Variants in LIPH observed in about 807,000 individuals in gnomAD.
The protein encoded by LIPH is lipase member H.
Under a neutral mutation model 47.6 loss-of-function variants are expected in LIPH, and 32 were observed. That is an observed-to-expected ratio of 0.67 (90% CI 0.51 to 0.90). The LOEUF (loss-of-function observed/expected upper bound fraction) is 0.90, where lower values mean the gene tolerates loss of function less well. LIPH is among the 40% of genes least tolerant of loss of function. The probability of loss-of-function intolerance (pLI) is 0.00; values close to 1 mark genes in which losing one functional copy is unlikely to be tolerated. For synonymous variants in LIPH, 190 were observed against 195.6 expected (o/e 0.97, Z 0.24); for missense variants, 497 against 541.4 (o/e 0.92, Z 0.81).
At position 185,536,709 on chromosome 3, in the gene LIPH, A is replaced by C. The variant is rs550742199; in HGVS notation, c.50-1577T>G. Among the ~76,000 whole-genome samples, 63 of 152,300 alleles carry C rather than the reference A, an allele frequency of 4.1e-4. No individual in the cohort carries two copies. The South Asian group carries it at 0.013, about 32-fold the overall frequency. On this transcript the variant is annotated intron_variant, in intron 1 of 9. Coordinates refer to ENST00000296252, the MANE Select transcript of LIPH (RefSeq NM_139248.3). The stretch of plus-strand genomic sequence containing the variant: ...GTAAATAAATAAATAAATAAAAATT[A>C]AATGAACTTAAAGGAAATTTACACG...
chr3:185,545,911 T>C (rs1720855934), intron 1 of LIPH, among the ~76,000 whole-genome samples: 2 of 151,896 alleles, frequency 1.3e-5, no homozygotes, highest in Non-Finnish European at 2.9e-5. Flanking sequence ...ATCCCAGCAC[T>C]TTGGGAGGCT....
intron 3 of LIPH, among the ~76,000 whole-genome samples, chr3:185,529,048 G>T (rs746519741): frequency 2.0e-5 from 3 of 149,256 alleles, no homozygotes; most frequent in Non-Finnish European, 4.5e-5. Context: ...GTGGTGGCAC[G>T]TGCCTGTAGT....
Position 185,517,129 on chromosome 3 carries a change from C to T in LIPH, c.920G>A (p.Arg307Lys), listed in dbSNP as rs147810274. ...YYADNWKDHL[R>K]GKDPPMTKAF... ...CTTCGTCATTGGAGGATCTTTCCCC[C>T]TTAGATGGTCTTTCCAATTATCAGC... The change falls in exon 7 of 10, where the codon AGG (arginine) becomes AAG (lysine). Residue 307 changes from arginine to lysine, a missense_variant. Coordinates refer to ENST00000296252, the MANE Select transcript of LIPH (RefSeq NM_139248.3). The T allele has an allele frequency of 3.5e-5, 56 of 1,610,710 alleles. No individual in the cohort carries two copies. The African/African-American group carries it at 7.2e-4, about 21-fold the overall frequency.
At position 185,508,637 on chromosome 3, in the gene LIPH, G is replaced by T; in HGVS notation, c.*153C>A. On this transcript the variant is annotated 3_prime_UTR_variant, in exon 10 of 10. Coordinates refer to ENST00000296252, the MANE Select transcript of LIPH (RefSeq NM_139248.3). ...TCGTTTTATAATCACAAGGTTGTTT[G>T]ATGTACAATGTGACATCCATAGGAC... The T allele has an allele frequency of 1.5e-6, 1 of 673,836 alleles. No individual in the cohort carries two copies. 41.7% of individuals were successfully genotyped at this position (673,836 alleles called of 1,614,324 possible).
Position 185,546,001 on chromosome 3 carries a change from C to CAA in LIPH, c.49+6420_49+6421dup, listed in dbSNP as rs529961219. On this transcript the variant is annotated intron_variant, in intron 1 of 9. Transcript: ENST00000296252. Reference sequence around the variant, plus strand: ...TGAAACCCCATCTCTACTAAAAATACAAAAAAAAAAAAAAATTAGCTGGGT... The same window carrying CAA: ...TGAAACCCCATCTCTACTAAAAATACAAAAAAAAAAAAAAAAATTAGCTGGGT... Among the ~76,000 whole-genome samples, 104 of 130,458 alleles carry CAA rather than the reference C, an allele frequency of 8.0e-4. 1 individual carries two copies. The East Asian group carries it at 0.019, about 23-fold the overall frequency. 85.6% of individuals were successfully genotyped at this position (130,458 alleles called of 152,430 possible).
intron 1 of LIPH, 103 bp from the exon 2 acceptor site, chr3:185,535,235 T>C: frequency 7.4e-7 from 1 of 1,358,776 alleles, no homozygotes; most frequent in Non-Finnish European, 1.0e-6. Flanking sequence ...ATGTTCCTGA[T>C]AGGACCTGGC....
intron 3 of LIPH, among the ~76,000 whole-genome samples, chr3:185,530,430 A>C (rs779259845): frequency 3.9e-5 from 6 of 152,100 alleles, no homozygotes; most frequent in African/African-American, 2.4e-5. Flanking sequence ...ATAAGCCGAG[A>C]TCGTGCCACT....
chr3:185,512,612 G>A lies in LIPH; in HGVS notation c.1095-915C>T, dbSNP rs185597633. Among the ~76,000 whole-genome samples the A allele has an allele frequency of 2.7e-3, 410 of 150,298 alleles. 2 individuals are homozygous for A. Among genetic ancestry groups the A allele is most frequent in the Middle Eastern group, 0.014 (4 of 292 alleles). On this transcript the variant is annotated intron_variant, in intron 8 of 9. Transcript: ENST00000296252. ...CAAGTCATTTTCCTGCCTCAGCCTC[G>A]CGAGTAGCTGGGATTACAGGCACCT...
At chr3:185,526,690 A>ATAT (rs1385746010) in intron 4 of LIPH, among the ~76,000 whole-genome samples, 1 of 32,900 alleles carries the variant, frequency 3.0e-5, no homozygotes, top group African/African-American at 8.4e-5. Context: ...ATATAATATA[A>ATAT]AATAAATAAA....
intron 7 of LIPH, 94 bp downstream of exon 7, chr3:185,516,973 G>T: frequency 1.2e-6 from 1 of 840,512 alleles, no homozygotes. Flanking sequence ...CTTCATCATG[G>T]CTCTTATTTG....
chr3:185,522,484 AGGAAGGAAGGAAAAGGAAGGAAGGAG>A (rs1157543227), intron 5 of LIPH, among the ~76,000 whole-genome samples: 1 of 151,054 alleles, frequency 6.6e-6, no homozygotes, highest in East Asian at 1.9e-4. Context: ...AAAGGAAAGA[AGGAAGGAAGGAAAAGGAAGGAAGGAG>A]GGAAGGAAGG....
chr3:185,542,815 C>G (rs1342276824), intron 1 of LIPH, among the ~76,000 whole-genome samples: 1 of 152,124 alleles, frequency 6.6e-6, no homozygotes. Context: ...ATCTCTTTTG[C>G]AGCAACATGA....
chr3:185,541,324 C>A (rs1720701827), intron 1 of LIPH, among the ~76,000 whole-genome samples: 1 of 152,102 alleles, frequency 6.6e-6, no homozygotes, highest in Non-Finnish European at 1.5e-5. Flanking sequence ...TATACATACA[C>A]CCCTGGAAGC....
At chr3:185,519,331 G>C (rs375726639) in intron 5 of LIPH, 22 bp from the exon 6 acceptor site, 4 of 1,566,230 alleles carry the variant, frequency 2.6e-6, no homozygotes, top group Non-Finnish European at 3.5e-6. Flanking sequence ...AAGAAGTGAT[G>C]AAAGAGTAGA....
chr3:185,528,532 G>A (rs1720200031), intron 3 of LIPH, among the ~76,000 whole-genome samples: 1 of 152,100 alleles, frequency 6.6e-6, no homozygotes, highest in African/African-American at 2.4e-5. Flanking sequence ...CCAGATGAAT[G>A]AACTGTGATT....
chr3:185,518,615 CTAGAG>C (rs1719805211), intron 6 of LIPH, among the ~76,000 whole-genome samples: 1 of 151,294 alleles, frequency 6.6e-6, no homozygotes, highest in African/African-American at 2.4e-5. Flanking sequence ...TAGTAGGAGA[CTAGAG>C]TAGTTCAAAG....
Position 185,533,644 on chromosome 3 carries a change from G to C in LIPH, c.453C>G (p.Ile151Met), listed in dbSNP as rs563060609. The part of the protein sequence containing the change: ...EGASLDDIYM[I>M]GVSLGAHISG... ...ATATGTGGGCTCCTAGACTTACTCC[G>C]ATCATGTAAATGTCATCAAGAGAAG... Residue 151 changes from isoleucine to methionine, a missense_variant, in exon 3 of 10, where the codon ATC becomes ATG. Physicochemically the swap from Ile to Met is conservative, Grantham distance 10 (BLOSUM62 1). Transcript: ENST00000296252. 5.6e-6 allele frequency: 9 copies of C among 1,613,656 alleles called. No individual in the cohort carries two copies. In the South Asian group the frequency reaches 7.7e-5, roughly 14 times the overall value.
intron 1 of LIPH, among the ~76,000 whole-genome samples, chr3:185,546,512 T>A (rs1011720289): frequency 3.3e-5 from 5 of 151,320 alleles, no homozygotes; most frequent in South Asian, 2.1e-4. Context: ...AAAAAAAAAA[T>A]TTCCCACTGG....
chr3:185,524,003 T>C, intron 5 of LIPH, 68 bp downstream of exon 5: 1 of 1,088,244 alleles, frequency 9.2e-7, no homozygotes, highest in Admixed American at 1.7e-5. Context: ...ATTACAGGCA[T>C]GAGCCACCAT....
Sources: gnomAD v4.1 joint callset for allele counts (sites outside exome capture counted in the v4.1 genomes callset) on GRCh38, gnomAD v4.1.1 for gene constraint, MANE v1.5 for transcripts, NCBI Gene and HGNC (gene_info 2026-07-23, HGNC 2026-07-21) for gene names.